The following FOCAD variants were observed in gnomAD, a reference collection of about 807,000 sequenced individuals.
FOCAD encodes KIAA1797.
In FOCAD, 198 loss-of-function variants were observed where a neutral mutation model predicts 225.6. That is an observed-to-expected ratio of 0.88 (90% CI 0.78 to 0.99). FOCAD has a LOEUF of 0.99. FOCAD is among the 50% of genes least tolerant of loss of function. FOCAD has a pLI of 0.00. For synonymous variants in FOCAD, 897 were observed against 755.0 expected (o/e 1.19, Z -3.08); for missense variants, 2,713 against 2,123.6 (o/e 1.28, Z -5.46).
intron 5 of FOCAD, among the ~76,000 whole-genome samples, chr9:20,744,765 C>A (rs544948372): frequency 6.6e-6 from 1 of 152,130 alleles, no homozygotes; most frequent in Non-Finnish European, 1.5e-5. Context: ...TTCATTGTTG[C>A]CACACGTTCA....
intron 21 of FOCAD, among the ~76,000 whole-genome samples, chr9:20,893,699 C>T (rs7862868): frequency 0.82 from 124,787 of 152,014 alleles, 51,382 homozygotes; most frequent in Admixed American, 0.88. Context: ...TTTGTAAAAA[C>T]AGACTTTATT....
intron 2 of FOCAD, chr9:20,716,117 G>A (rs1172760584): frequency 4.2e-6 from 2 of 477,484 alleles, no homozygotes; most frequent in Admixed American, 2.0e-5. Context: ...GACTTAGCTG[G>A]GTAGTGGGGA....
chr9:20,811,235 G>A (rs1823036558), intron 11 of FOCAD, among the ~76,000 whole-genome samples: 1 of 152,034 alleles, frequency 6.6e-6, no homozygotes, highest in Admixed American at 6.6e-5. Flanking sequence ...GTCTTTGTGG[G>A]GCTAAGTGGC....
intron 6 of FOCAD, among the ~76,000 whole-genome samples, chr9:20,758,899 G>C (rs1000450967): frequency 1.3e-5 from 2 of 152,130 alleles, no homozygotes; most frequent in Non-Finnish European, 2.9e-5. Flanking sequence ...TCCTTAAGCT[G>C]ATAAGCAACT....
At chr9:20,941,326 A>G (rs1836640150) in intron 28 of FOCAD, among the ~76,000 whole-genome samples, 1 of 152,238 alleles carries the variant, frequency 6.6e-6, no homozygotes, top group Non-Finnish European at 1.5e-5. Context: ...GTAGTCATGC[A>G]GTCATCAATG....
intron 23 of FOCAD, among the ~76,000 whole-genome samples, chr9:20,913,659 G>GA (rs1833633161): frequency 1.3e-5 from 2 of 152,118 alleles, no homozygotes. Context: ...GGCTCATGTA[G>GA]AAAAGGAGAA....
intron 35 of FOCAD, 110 bp downstream of exon 35, chr9:20,953,175 G>A: frequency 1.2e-6 from 1 of 852,294 alleles, no homozygotes; most frequent in South Asian, 1.7e-5. Flanking sequence ...AATCTGAAGG[G>A]GTGAATATTT....
At chr9:20,715,243 T>G in intron 1 of FOCAD, 79 bp from the exon 2 acceptor site, 1 of 551,186 alleles carries the variant, frequency 1.8e-6, no homozygotes, top group Non-Finnish European at 3.0e-6. Context: ...TACATTCACA[T>G]TATTTGAGGA....
chr9:20,870,891 A>C (rs1203370160), intron 18 of FOCAD, among the ~76,000 whole-genome samples: 2 of 152,170 alleles, frequency 1.3e-5, no homozygotes, highest in African/African-American at 2.4e-5. Context: ...TCTATATTCA[A>C]TTTGAAGCAA....
intron 5 of FOCAD, among the ~76,000 whole-genome samples, chr9:20,741,665 C>T (rs1386848152): frequency 2.3e-5 from 3 of 131,676 alleles, no homozygotes; most frequent in Non-Finnish European, 3.1e-5. Context: ...CTTTCCAAAT[C>T]GGTAAATATG....
intron 29 of FOCAD, among the ~76,000 whole-genome samples, chr9:20,946,344 A>C (rs1837176093): frequency 6.6e-6 from 1 of 152,184 alleles, no homozygotes; most frequent in Non-Finnish European, 1.5e-5. Flanking sequence ...ACTGGTGATG[A>C]AAATCTGTTT....
Position 20,868,965 on chromosome 9 carries a change from T to C in FOCAD, c.2190+1953T>C, listed in dbSNP as rs535162643. Among the ~76,000 whole-genome samples the C allele has an allele frequency of 2.0e-5, 3 of 152,286 alleles. No homozygotes were observed. The South Asian group carries it at 6.2e-4, about 32-fold the overall frequency. On this transcript the variant is annotated intron_variant, in intron 18 of 43. Coordinates refer to ENST00000338382, the MANE Select transcript of FOCAD (RefSeq NM_001375567.1). ...ATTTCAGTTTGGCTGTTCGAACACC[T>C]AAAGACTAAAAGTCCAGAAAGTGTT...
intron 24 of FOCAD, among the ~76,000 whole-genome samples, chr9:20,922,795 C>G (rs560101725): frequency 3.9e-5 from 6 of 152,306 alleles, no homozygotes; most frequent in African/African-American, 1.4e-4. Flanking sequence ...GCTCTTGTTG[C>G]TGGAGTTCTG....
At chr9:20,809,478 T>A (rs1247834180) in intron 11 of FOCAD, among the ~76,000 whole-genome samples, 1 of 152,168 alleles carries the variant, frequency 6.6e-6, no homozygotes, top group Non-Finnish European at 1.5e-5. Context: ...CAAATTAAAA[T>A]AGCCAAATGT....
At chr9:20,723,375 C>T (rs1165296218) in intron 4 of FOCAD, among the ~76,000 whole-genome samples, 1 of 152,186 alleles carries the variant, frequency 6.6e-6, no homozygotes, top group East Asian at 1.9e-4. Context: ...GTAATCCCAG[C>T]TACTCGGGAG....
intron 19 of FOCAD, 96 bp downstream of exon 19, chr9:20,874,903 C>A (rs1830108587): frequency 1.4e-6 from 2 of 1,438,028 alleles, no homozygotes; most frequent in Admixed American, 3.8e-5. Context: ...ATAGTTTAAC[C>A]TTATGTGCTT....
chr9:20,941,413 C>T (rs937723831), intron 28 of FOCAD, among the ~76,000 whole-genome samples: 6 of 152,192 alleles, frequency 3.9e-5, no homozygotes, highest in Non-Finnish European at 5.9e-5. Context: ...AAGGGCAAAG[C>T]GCTATATAAA....
chr9:20,981,326 C>T, intron 37 of FOCAD, 100 bp from the exon 38 acceptor site: 1 of 1,339,832 alleles, frequency 7.5e-7, no homozygotes, highest in Non-Finnish European at 1.0e-6. Context: ...AACCTTTTAT[C>T]TCTCAGTCTA....
chr9:20,681,187 A>G (rs1211711708), upstream of FOCAD, among the ~76,000 whole-genome samples: 2 of 152,220 alleles, frequency 1.3e-5, no homozygotes, highest in Non-Finnish European at 2.9e-5. Context: ...GTTCCAACAT[A>G]AGACTTTAAG....
Sources: gnomAD v4.1 joint callset for allele counts (sites outside exome capture counted in the v4.1 genomes callset) on GRCh38, gnomAD v4.1.1 for gene constraint, MANE v1.5 for transcripts, NCBI Gene and HGNC (gene_info 2026-07-23, HGNC 2026-07-21) for gene names.